NMRK1: variants seen among roughly 807,000 people sequenced by gnomAD.
The protein encoded by NMRK1 is nicotinamide riboside kinase 1, also known as NRK 1.
In NMRK1, 28 loss-of-function variants were observed where a neutral mutation model predicts 29.9. The ratio of observed to expected loss-of-function variants is 0.94; its 90% CI spans 0.69 to 1.28. The LOEUF (loss-of-function observed/expected upper bound fraction) is 1.28. Ranked by LOEUF, NMRK1 falls within the 50% of genes most tolerant of loss-of-function variation. NMRK1 has a pLI of 0.00. For missense variants in NMRK1, 218 were observed against 233.1 expected (o/e 0.94, Z 0.42); for synonymous variants, 58 against 73.0 (o/e 0.79, Z 1.05).
rs181026330 is a variant in NMRK1, at chr9:75,086,368, C to T, written c.-36+1640G>A. Among the ~76,000 whole-genome samples the T allele has an allele frequency of 9.2e-5, 14 of 152,326 alleles. 1 individual carries two copies. Among genetic ancestry groups the T allele is most frequent in the Admixed American group, 7.2e-4 (11 of 15,312 alleles). ...ACGTCTATCACTAGAATCCACACCA[C>T]CTTCAATCTCATGGAATATCTGTGT... On this transcript the variant is annotated intron_variant, in intron 1 of 8. Coordinates refer to ENST00000361092, the MANE Select transcript of NMRK1 (RefSeq NM_017881.3).
In NMRK1 at chr9:75,060,705, T is replaced by G. The variant is rs1275418952; in HGVS notation, c.*843A>C. The G allele has an allele frequency of 2.0e-5, 3 of 152,264 alleles. No individual in the cohort carries two copies. The highest frequency in any genetic ancestry group is 7.2e-5 in the African/African-American group (3 of 41,560). The allele number at this position is 152,264 out of a possible 1,614,324, so 9.4% of individuals were successfully genotyped here. ...CTGTGCTTTCCAAAGATAGGTCCCC[T>G]GGATTCCACATGATTGAAGTAATTG... On this transcript the variant is annotated 3_prime_UTR_variant, in exon 9 of 9. Transcript: ENST00000361092.
At chr9:75,066,011 T>G (rs1823317266) in intron 8 of NMRK1, among the ~76,000 whole-genome samples, 1 of 152,124 alleles carries the variant, frequency 6.6e-6, no homozygotes, top group Non-Finnish European at 1.5e-5. Context: ...AAACCCTAAA[T>G]AGAAAGTAGA....
intron 8 of NMRK1, among the ~76,000 whole-genome samples, chr9:75,064,794 T>C (rs1221636745): frequency 6.6e-6 from 1 of 152,156 alleles, no homozygotes; most frequent in Non-Finnish European, 1.5e-5. Flanking sequence ...AAAAAACATA[T>C]AATATTCTTC....
In NMRK1 at chr9:75,069,046, G is replaced by A; in HGVS notation, c.446C>T (p.Pro149Leu). The change falls in exon 7 of 9, where the codon CCC becomes CTC. Residue 149 changes from proline (P) to leucine (L), a missense_variant. By Grantham distance (98) the Pro-to-Leu change is moderately conservative. Transcript: ENST00000361092. ...TTCTTGTCTGTACTTTAGATACATGGGCCACACATGGCCATCAAAGTATCC... is the reference window on the plus strand; with the variant it reads ...TTCTTGTCTGTACTTTAGATACATGAGCCACACATGGCCATCAAAGTATCC... Reference protein sequence around the residue: ...SPGYFDGHVWPMYLKYRQEMQ... With the variant: ...SPGYFDGHVWLMYLKYRQEMQ... The A allele has an allele frequency of 6.2e-7, 1 of 1,614,018 alleles. No homozygotes were observed. The highest frequency in any genetic ancestry group is 2.2e-5 in the East Asian group (1 of 44,882).
intron 8 of NMRK1, 65 bp from the exon 9 acceptor site, chr9:75,061,632 A>G: frequency 2.3e-6 from 3 of 1,307,832 alleles, no homozygotes; most frequent in East Asian, 2.3e-5. Flanking sequence ...AAATCTTTAC[A>G]TCAACAACAG....
rs777999547 is a variant in NMRK1, at chr9:75,069,828, T to C, written c.318-15A>G. On this transcript the variant is annotated splice_polypyrimidine_tract_variant and intron_variant, in intron 5 of 8. Coordinates refer to ENST00000361092, the MANE Select transcript of NMRK1 (RefSeq NM_017881.3). ...TGTCAAGGGGCCTAAAATAACAGCA[T>C]ACTTAGTTCACAAGGGTTTTTATCC... is the stretch of plus-strand genomic sequence containing the variant. 1 of 1,612,164 alleles carries C rather than the reference T, an allele frequency of 6.2e-7. No homozygotes were observed. The highest frequency in any genetic ancestry group is 1.1e-5 in the South Asian group (1 of 90,760).
Position 75,066,769 on chromosome 9 carries a change from C to G in NMRK1, c.568G>C (p.Ala190Pro). The G allele has an allele frequency of 6.3e-7, 1 of 1,595,002 alleles. No individual in the cohort carries two copies. Among genetic ancestry groups the G allele is most frequent in the Non-Finnish European group, 8.6e-7 (1 of 1,162,592 alleles). Residue 190 changes from alanine (A) to proline (P), a missense_variant, in exon 8 of 9, where the codon GCA becomes CCA. Ala to Pro is a conservative substitution (Grantham distance 27). Transcript: ENST00000361092. ...QVYEDLIQELAKQKCLQVTA is the reference protein window; with the variant it reads ...QVYEDLIQELPKQKCLQVTA The stretch of plus-strand genomic sequence containing the variant: ...GCACAATACTTACACTTTTGCTTTG[C>G]TAGTTCTTGTATTAGATCTTCATAT...
At chr9:75,072,046 A>C (rs1180716609) in intron 4 of NMRK1, among the ~76,000 whole-genome samples, 1 of 152,208 alleles carries the variant, frequency 6.6e-6, no homozygotes, top group African/African-American at 2.4e-5. Context: ...AACAAAATGA[A>C]GGGAGGACAG....
intron 4 of NMRK1, among the ~76,000 whole-genome samples, chr9:75,072,169 C>A (rs1163679999): frequency 6.6e-6 from 1 of 152,178 alleles, no homozygotes; most frequent in African/African-American, 2.4e-5. Context: ...TGGATGGTTC[C>A]ATGTTGTATA....
At chr9:75,081,188 A>G (rs1333935912) in intron 2 of NMRK1, among the ~76,000 whole-genome samples, 2 of 152,160 alleles carry the variant, frequency 1.3e-5, no homozygotes, top group African/African-American at 4.8e-5. Flanking sequence ...TTATTGGACA[A>G]TTACTTCCTA....
chr9:75,081,543 T>G (rs1345086360), intron 2 of NMRK1, among the ~76,000 whole-genome samples: 1 of 152,202 alleles, frequency 6.6e-6, no homozygotes, highest in Non-Finnish European at 1.5e-5. Context: ...AAGGTAGGTT[T>G]CTAGGTATAC....
intron 8 of NMRK1, among the ~76,000 whole-genome samples, chr9:75,064,122 G>A (rs10869491): frequency 0.45 from 68,840 of 151,938 alleles, 15,844 homozygotes; most frequent in East Asian, 0.59. Context: ...CATGTCAGCT[G>A]TTCTTGGGCT....
chr9:75,084,191 C>T (rs1824484447), intron 1 of NMRK1, among the ~76,000 whole-genome samples: 1 of 152,202 alleles, frequency 6.6e-6, no homozygotes, highest in African/African-American at 2.4e-5. Context: ...TCCTGAAGGT[C>T]ATCCCTGAAG....
intron 8 of NMRK1, 38 bp downstream of exon 8, chr9:75,066,719 T>G: frequency 8.8e-7 from 1 of 1,141,410 alleles, no homozygotes; most frequent in East Asian, 2.3e-5. Context: ...TCCTGGCTGT[T>G]TCTCCTCTAC....
intron 7 of NMRK1, among the ~76,000 whole-genome samples, chr9:75,067,982 C>A (rs1404187503): frequency 6.6e-6 from 1 of 152,184 alleles, no homozygotes; most frequent in East Asian, 1.9e-4. Flanking sequence ...TAGCTCAAGC[C>A]CACAGATCCG....
intron 8 of NMRK1, among the ~76,000 whole-genome samples, chr9:75,065,563 C>T (rs922887229): frequency 6.6e-6 from 1 of 152,000 alleles, no homozygotes; most frequent in Non-Finnish European, 1.5e-5. Context: ...AAGCAATCCT[C>T]CCAATTTAGC....
intron 7 of NMRK1, 57 bp downstream of exon 7, chr9:75,068,939 T>C (rs1288711403): frequency 1.3e-5 from 16 of 1,196,716 alleles, no homozygotes; most frequent in South Asian, 2.5e-5. Flanking sequence ...TTCTTTTCTA[T>C]ACTTTGAGGC....
intron 2 of NMRK1, among the ~76,000 whole-genome samples, chr9:75,080,638 ACT>A (rs1239001515): frequency 3.9e-5 from 6 of 151,952 alleles, no homozygotes; most frequent in African/African-American, 1.5e-4. Context: ...GGCGAGCAAG[ACT>A]CTGTCTCAAA....
At chr9:75,066,920 T>G in intron 7 of NMRK1, 80 bp from the exon 8 acceptor site, 7 of 778,434 alleles carry the variant, frequency 9.0e-6, no homozygotes, top group Non-Finnish European at 1.3e-5. Flanking sequence ...CCAACATCTC[T>G]TGTAAATGCC....
Sources: allele counts gnomAD v4.1 joint callset (sites outside exome capture counted in the v4.1 genomes callset), GRCh38; gene constraint gnomAD v4.1.1; transcripts MANE v1.5; gene names NCBI Gene and HGNC (gene_info 2026-07-23, HGNC 2026-07-21).